Variants in WDR7 observed in about 807,000 individuals in gnomAD.
WDR7 encodes WD repeat-containing protein 7.
A neutral mutation model predicts 169.4 loss-of-function variants in WDR7; 46 were observed. The observed-to-expected ratio is 0.27, with a 90% CI of 0.21 to 0.35. The LOEUF is 0.35. Among genes scored for constraint, WDR7 ranks in the 10% least tolerant of loss-of-function variants. The pLI, the probability that WDR7 is intolerant of heterozygous loss-of-function variation, is 1.00. For synonymous variants in WDR7, 612 were observed against 666.8 expected (o/e 0.92, Z 1.27); for missense variants, 1,534 against 1,859.3 (o/e 0.83, Z 3.22).
At chr18:56,848,393 C>G (rs1055209452) in intron 20 of WDR7, among the ~76,000 whole-genome samples, 3 of 152,104 alleles carry the variant, frequency 2.0e-5, no homozygotes, top group African/African-American at 7.2e-5. Context: ...AGGAACTTGG[C>G]TTGAGTTTCA....
intron 14 of WDR7, among the ~76,000 whole-genome samples, chr18:56,745,609 C>T (rs2043690300): frequency 6.6e-6 from 1 of 152,132 alleles, no homozygotes; most frequent in Non-Finnish European, 1.5e-5. Context: ...TGGTAATGCT[C>T]ACTTGCCCGC....
intron 26 of WDR7, among the ~76,000 whole-genome samples, chr18:57,010,654 AAAG>A (rs1435027503): frequency 1.4e-4 from 21 of 152,224 alleles, no homozygotes; most frequent in Non-Finnish European, 2.8e-4. Context: ...TTCAACATGC[AAAG>A]AAAAGACATA....
intron 21 of WDR7, among the ~76,000 whole-genome samples, chr18:56,883,440 T>C (rs1408266667): frequency 1.3e-5 from 2 of 152,052 alleles, no homozygotes; most frequent in Non-Finnish European, 2.9e-5. Flanking sequence ...AATAATTTTA[T>C]TTTTTAAATT....
intron 13 of WDR7, among the ~76,000 whole-genome samples, chr18:56,728,590 T>C (rs75759581): frequency 5.3e-5 from 8 of 152,342 alleles, no homozygotes; most frequent in Non-Finnish European, 8.8e-5. Context: ...TGTGCAAAGC[T>C]GCCTACCTGC....
At chr18:56,758,998 TAGA>T in intron 16 of WDR7, 45 bp downstream of exon 16, 2 of 1,510,426 alleles carry the variant, frequency 1.3e-6, no homozygotes, top group Non-Finnish European at 1.8e-6. Context: ...ATTTCAGCTC[TAGA>T]AACTGAGGAG....
At chr18:56,913,858 A>G (rs1290135009) in intron 21 of WDR7, among the ~76,000 whole-genome samples, 2 of 152,158 alleles carry the variant, frequency 1.3e-5, no homozygotes, top group Non-Finnish European at 2.9e-5. Context: ...GTTATAGTCC[A>G]ACCCCAGCAT....
chr18:56,998,022 C>G (rs1418291622), intron 26 of WDR7, among the ~76,000 whole-genome samples: 1 of 152,146 alleles, frequency 6.6e-6, no homozygotes, highest in East Asian at 1.9e-4. Context: ...CACTTCTTAT[C>G]ATGTATGGCT....
intron 19 of WDR7, among the ~76,000 whole-genome samples, chr18:56,794,972 CA>C (rs1281357735): frequency 2.0e-5 from 3 of 152,126 alleles, no homozygotes; most frequent in Non-Finnish European, 4.4e-5. Context: ...TAAATTCTAA[CA>C]TTCCTTCCTC....
chr18:56,735,902 G>A (rs1464434627), intron 14 of WDR7, among the ~76,000 whole-genome samples: 3 of 152,142 alleles, frequency 2.0e-5, no homozygotes, highest in Non-Finnish European at 4.4e-5. Context: ...TCAGAAGATA[G>A]CATTGTTAAT....
chr18:56,733,500 C>T (rs368507685), intron 14 of WDR7, among the ~76,000 whole-genome samples: 1 of 152,262 alleles, frequency 6.6e-6, no homozygotes, highest in South Asian at 2.1e-4. Context: ...TTACATGAGT[C>T]TTTCAATGGA....
At chr18:56,835,579 A>G (rs1403371530) in intron 20 of WDR7, among the ~76,000 whole-genome samples, 1 of 152,172 alleles carries the variant, frequency 6.6e-6, no homozygotes, top group Non-Finnish European at 1.5e-5. Context: ...AGGTATATGT[A>G]AGTATCTGGT....
downstream of WDR7, chr18:57,032,801 TTATATATATATATATATATATATATA>T (rs56876611): frequency 5.6e-3 from 595 of 106,198 alleles, 13 homozygotes; most frequent in African/African-American, 0.017. Flanking sequence ...TATAATTATT[TTATATATATATATATATATATATATA>T]TATATATATA....
At chr18:56,742,988 A>G (rs1446772154) in intron 14 of WDR7, among the ~76,000 whole-genome samples, 3 of 152,216 alleles carry the variant, frequency 2.0e-5, no homozygotes, top group African/African-American at 7.2e-5. Flanking sequence ...GGAATTATAT[A>G]TGAAAGCCAG....
chr18:56,910,638 C>T (rs1476306345), intron 21 of WDR7, among the ~76,000 whole-genome samples: 2 of 152,036 alleles, frequency 1.3e-5, no homozygotes, highest in Non-Finnish European at 2.9e-5. Flanking sequence ...CCAAAAACAT[C>T]CAGATTTTAT....
At chr18:56,913,623 CAAAAAAAAAAA>C (rs3045241) in intron 21 of WDR7, among the ~76,000 whole-genome samples, 1 of 134,826 alleles carries the variant, frequency 7.4e-6, no homozygotes, top group African/African-American at 2.9e-5. Flanking sequence ...CCCATCTCTA[CAAAAAAAAAAA>C]AAAAAAAAAA....
Position 56,724,649 on chromosome 18 carries a change from T to A in WDR7, c.1774+6490T>A, listed in dbSNP as rs1041419883. 5.3e-5 allele frequency among the ~76,000 whole-genome samples: 8 copies of A among 151,206 alleles called. No homozygotes were observed. The East Asian group carries it at 9.7e-4, about 18-fold the overall frequency. On this transcript the variant is annotated intron_variant, in intron 13 of 27. Transcript: ENST00000254442. ...AAATTTTTTTTACCTTTTTTTAATT[T>A]TATATATATATATAATTATACTTTA...
intron 26 of WDR7, among the ~76,000 whole-genome samples, chr18:57,005,844 A>G (rs1013177168): frequency 3.3e-5 from 5 of 152,216 alleles, no homozygotes; most frequent in African/African-American, 9.6e-5. Context: ...CTTTTAAGAA[A>G]GTTTATGAAT....
chr18:57,023,262 A>G (rs1243623358), intron 27 of WDR7, among the ~76,000 whole-genome samples: 1 of 152,184 alleles, frequency 6.6e-6, no homozygotes, highest in African/African-American at 2.4e-5. Flanking sequence ...ATTTAGATAC[A>G]TGTTGTTTCG....
intron 13 of WDR7, among the ~76,000 whole-genome samples, chr18:56,724,815 C>A (rs2026406582): frequency 6.6e-6 from 1 of 152,030 alleles, no homozygotes; most frequent in Admixed American, 6.6e-5. Context: ...CCCACCACCC[C>A]ACAACAGGCC....
Sources: gnomAD v4.1 joint callset for allele counts (sites outside exome capture counted in the v4.1 genomes callset) on GRCh38, gnomAD v4.1.1 for gene constraint, MANE v1.5 for transcripts, NCBI Gene and HGNC (gene_info 2026-07-23, HGNC 2026-07-21) for gene names.